UNC80: variants seen among roughly 807,000 people sequenced by gnomAD.
The protein encoded by UNC80 is protein unc-80 homolog.
Under a neutral mutation model 384.6 loss-of-function variants are expected in UNC80, and 164 were observed. The ratio of observed to expected loss-of-function variants is 0.43; its 90% CI spans 0.38 to 0.49. The LOEUF is 0.49. Ranked by LOEUF, UNC80 falls within the 20% of genes least tolerant of loss-of-function variation. UNC80 has a pLI of 0.00. For missense variants in UNC80, 3,330 were observed against 4,143.0 expected (o/e 0.80, Z 5.39); for synonymous variants, 1,486 against 1,527.8 (o/e 0.97, Z 0.64).
chr2:209,810,389 C>T (rs2079252529), intron 7 of UNC80, among the ~76,000 whole-genome samples: 1 of 152,140 alleles, frequency 6.6e-6, no homozygotes, highest in South Asian at 2.1e-4. Flanking sequence ...TTAATGTGTG[C>T]AGTTTATTGA....
chr2:209,821,258 T>A (rs1012352441), intron 13 of UNC80, among the ~76,000 whole-genome samples: 2 of 152,072 alleles, frequency 1.3e-5, no homozygotes, highest in Non-Finnish European at 2.9e-5. Context: ...CAAAAGAGCT[T>A]CCTTGTGTTT....
rs114308789 is a variant in UNC80 at position 209,790,058 on chromosome 2, C to T, written c.798+453C>T. Among the ~76,000 whole-genome samples, 1,112 of 152,018 alleles carry T rather than the reference C, an allele frequency of 7.3e-3. 18 individuals carry two copies. The highest frequency in any genetic ancestry group is 0.025 in the African/African-American group (1,052 of 41,480). The stretch of plus-strand genomic sequence containing the variant: ...TGGAAGGAGTTATAAGATAGTCCTA[C>T]CCCTTAAGGAATCTAAAGTTTAATG... On this transcript the variant is annotated intron_variant, in intron 6 of 64. Coordinates refer to ENST00000673920, the MANE Select transcript of UNC80 (RefSeq NM_001371986.1).
chr2:209,848,219 A>G (rs542848269), intron 21 of UNC80, among the ~76,000 whole-genome samples: 1 of 152,096 alleles, frequency 6.6e-6, no homozygotes, highest in Non-Finnish European at 1.5e-5. Flanking sequence ...TCTTCTTTGT[A>G]TCATTTGAGA....
intron 21 of UNC80, among the ~76,000 whole-genome samples, chr2:209,847,242 T>G (rs1360529503): frequency 6.6e-6 from 1 of 151,916 alleles, no homozygotes; most frequent in African/African-American, 2.4e-5. Context: ...AAAAATACAT[T>G]CTCTTTTAAA....
At chr2:209,866,531 CACAGAGAGAG>C (rs1240050346) in intron 22 of UNC80, among the ~76,000 whole-genome samples, 45 of 122,078 alleles carry the variant, frequency 3.7e-4, no homozygotes, top group African/African-American at 1.6e-3. Flanking sequence ...CACACACACA[CACAGAGAGAG>C]AGAGAGAGAG....
chr2:209,888,731 T>C (rs751741094), intron 26 of UNC80, among the ~76,000 whole-genome samples: 5 of 152,134 alleles, frequency 3.3e-5, no homozygotes, highest in Non-Finnish European at 7.4e-5. Flanking sequence ...TTCTCCTGCC[T>C]CAGCCTCCCT....
intron 22 of UNC80, among the ~76,000 whole-genome samples, chr2:209,861,651 A>G (rs2083349443): frequency 6.6e-6 from 1 of 152,220 alleles, no homozygotes; most frequent in Admixed American, 6.5e-5. Flanking sequence ...TCAGCTGTGA[A>G]TCCAACTGGT....
At chr2:209,985,806 G>A (rs556064957) in intron 61 of UNC80, among the ~76,000 whole-genome samples, 16 of 152,214 alleles carry the variant, frequency 1.1e-4, no homozygotes, top group Middle Eastern at 3.4e-3. Context: ...CAATACACCC[G>A]TGTTTATTGC....
At position 209,957,754 on chromosome 2, in the gene UNC80, A is replaced by G; in HGVS notation, c.7550+18A>G. On this transcript the variant is annotated intron_variant, in intron 49 of 64. Transcript: ENST00000673920. ...AACACCAGGTAATTCACTGCGCCTTATTCTTCTATGGTCTCTCAATTTCAT... is the reference window on the plus strand; with the variant it reads ...AACACCAGGTAATTCACTGCGCCTTGTTCTTCTATGGTCTCTCAATTTCAT... The G allele has an allele frequency of 1.3e-6, 2 of 1,550,232 alleles. No individual in the cohort carries two copies. The highest frequency in any genetic ancestry group is 1.2e-5 in the South Asian group (1 of 84,000).
intron 7 of UNC80, among the ~76,000 whole-genome samples, chr2:209,810,587 C>CA (rs2079269674): frequency 1.3e-5 from 2 of 152,142 alleles, no homozygotes; most frequent in Non-Finnish European, 2.9e-5. Flanking sequence ...GAAGGATTCT[C>CA]ATGAACGTGG....
At chr2:209,835,060 C>T in intron 18 of UNC80, 50 bp downstream of exon 18, 1 of 1,389,520 alleles carries the variant, frequency 7.2e-7, no homozygotes, top group Non-Finnish European at 9.9e-7. Context: ...GCACTTCACT[C>T]TGGAAGAATT....
chr2:209,784,208 C>A (rs2077300317), intron 4 of UNC80, among the ~76,000 whole-genome samples: 1 of 152,092 alleles, frequency 6.6e-6, no homozygotes, highest in East Asian at 1.9e-4. Context: ...TATTAGTACC[C>A]CCATCTAATC....
chr2:209,992,384 A>T, intron 62 of UNC80, 137 bp downstream of exon 62: 1 of 781,624 alleles, frequency 1.3e-6, no homozygotes, highest in Non-Finnish European at 2.1e-6. Context: ...CTGATGTGGG[A>T]GGATTGCTTG....
At position 209,973,275 on chromosome 2, in the gene UNC80, G is replaced by A; in HGVS notation, c.8587+5G>A. Reference sequence around the variant, plus strand: ...CCAGCCAAGCAGCATACTTGGGTTGGTACTTTCTCTCTCTCTCTCTCTGTT... The same window carrying A: ...CCAGCCAAGCAGCATACTTGGGTTGATACTTTCTCTCTCTCTCTCTCTGTT... On this transcript the variant is annotated splice_donor_5th_base_variant and intron_variant, in intron 56 of 64. Transcript: ENST00000673920. 7.1e-6 allele frequency: 11 copies of A among 1,550,784 alleles called. No homozygotes were observed. The highest frequency in any genetic ancestry group is 9.6e-6 in the Non-Finnish European group (11 of 1,146,432).
chr2:209,970,055 T>C, intron 53 of UNC80, 164 bp downstream of exon 53: 1 of 902,348 alleles, frequency 1.1e-6, no homozygotes, highest in Non-Finnish European at 1.6e-6. Flanking sequence ...TTCAAGGTGG[T>C]GTGTGGGGAG....
In UNC80 at chr2:209,861,827, G is replaced by T. The variant is rs551534456; in HGVS notation, c.3628-10931G>T. 3.9e-5 allele frequency among the ~76,000 whole-genome samples: 6 copies of T among 152,250 alleles called. No individual in the cohort carries two copies. In the East Asian group the frequency reaches 1.2e-3, roughly 29 times the overall value. The stretch of plus-strand genomic sequence containing the variant: ...TTTTCTAGTTTATTTGCATAGAGGG[G>T]TTTATAGTATTCTCTGATGGTAGTT... On this transcript the variant is annotated intron_variant, in intron 22 of 64. Coordinates refer to ENST00000673920, the MANE Select transcript of UNC80 (RefSeq NM_001371986.1).
intron 4 of UNC80, among the ~76,000 whole-genome samples, chr2:209,780,616 C>T (rs942665890): frequency 6.6e-6 from 1 of 152,174 alleles, no homozygotes; most frequent in African/African-American, 2.4e-5. Context: ...GGCCTCCATC[C>T]ATTAGATGCC....
intron 28 of UNC80, among the ~76,000 whole-genome samples, chr2:209,903,783 A>T (rs2087837780): frequency 6.6e-6 from 1 of 150,914 alleles, no homozygotes. Context: ...TTTATGGGTC[A>T]GGAATTCTGG....
At chr2:209,927,909 C>A (rs1016316081) in intron 36 of UNC80, among the ~76,000 whole-genome samples, 1 of 151,888 alleles carries the variant, frequency 6.6e-6, no homozygotes, top group Non-Finnish European at 1.5e-5. Flanking sequence ...AATCATAGTA[C>A]CTCCATATGA....
Sources: allele counts gnomAD v4.1 joint callset (sites outside exome capture counted in the v4.1 genomes callset), GRCh38; gene constraint gnomAD v4.1.1; transcripts MANE v1.5; gene names NCBI Gene and HGNC (gene_info 2026-07-23, HGNC 2026-07-21).